SLC5A1: variants seen among roughly 807,000 people sequenced by gnomAD.
The protein encoded by SLC5A1 is solute carrier family 5 member 1, also known as sodium/glucose cotransporter 1.
A neutral mutation model predicts 73.5 loss-of-function variants in SLC5A1; 42 were observed. That is an observed-to-expected ratio of 0.57 (90% CI 0.45 to 0.74). The LOEUF is 0.74. Ranked by LOEUF, SLC5A1 falls within the 30% of genes least tolerant of loss-of-function variation. The pLI is 0.00. For synonymous variants in SLC5A1, 300 were observed against 317.4 expected, an observed-to-expected ratio of 0.95 and a Z score of 0.58; for missense variants, 634 against 855.4, an observed-to-expected ratio of 0.74 and a Z score of 3.23.
chr22:32,049,112 AATCAT>A (rs1427127160), intron 1 of SLC5A1, among the ~76,000 whole-genome samples: 6 of 143,364 alleles, frequency 4.2e-5, no homozygotes, highest in Non-Finnish European at 6.0e-5. Flanking sequence ...ATATATATAT[AATCAT>A]TATATATATA....
At position 32,086,238 on chromosome 22, in the gene SLC5A1, T is replaced by C; in HGVS notation, c.1040T>C (p.Val347Ala). 6 of 1,613,690 alleles carry C rather than the reference T, an allele frequency of 3.7e-6. No homozygotes were observed. The highest frequency in any genetic ancestry group is 5.1e-6 in the Non-Finnish European group (6 of 1,179,622). The change falls in exon 10 of 15, where the codon GTC becomes GCC. Residue 347 changes from valine (V) to alanine (A), a missense_variant. Val to Ala is a moderately conservative substitution (Grantham distance 64). This residue lies in a region of SLC5A1 where 422 missense variants were observed against 626.1 expected (regional missense o/e 0.67). Coordinates refer to ENST00000266088, the MANE Select transcript of SLC5A1 (RefSeq NM_000343.4). ...TTCCCAGAAAAAATTGCCTGTGTCG[T>C]CCCTTCAGAATGTGAGAAATATTGC... ...ILYTEKIACV[V>A]PSECEKYCGT...
intron 14 of SLC5A1, among the ~76,000 whole-genome samples, chr22:32,106,255 C>T (rs2094045485): frequency 1.3e-5 from 2 of 152,100 alleles, no homozygotes; most frequent in Non-Finnish European, 1.5e-5. Flanking sequence ...GGATATAAGC[C>T]GTTTTAACTG....
At position 32,090,730 on chromosome 22, in the gene SLC5A1, G is replaced by T. The variant is rs1223127892; in HGVS notation, c.1130-882G>T. On this transcript the variant is annotated intron_variant, in intron 10 of 14. Transcript: ENST00000266088. Reference sequence around the variant, plus strand: ...GAATTTCATTTCTCTTGGGTAGAGAGAAATGAAATTCCACCTAGGAATGGA... The same window carrying T: ...GAATTTCATTTCTCTTGGGTAGAGATAAATGAAATTCCACCTAGGAATGGA... Among the ~76,000 whole-genome samples, 8 of 141,468 alleles carry T rather than the reference G, an allele frequency of 5.7e-5. No individual in the cohort carries two copies. The East Asian group carries it at 1.7e-3, about 29-fold the overall frequency. 92.8% of individuals were successfully genotyped at this position (141,468 alleles called of 152,430 possible).
intron 2 of SLC5A1, among the ~76,000 whole-genome samples, chr22:32,051,728 A>G (rs2093945364): frequency 6.6e-6 from 1 of 152,146 alleles, no homozygotes; most frequent in African/African-American, 2.4e-5. Flanking sequence ...CCCAACAACA[A>G]CAAAACAACA....
At chr22:32,083,494 A>T (rs1056350479) in intron 7 of SLC5A1, among the ~76,000 whole-genome samples, 1 of 152,212 alleles carries the variant, frequency 6.6e-6, no homozygotes, top group African/African-American at 2.4e-5. Context: ...ATATCCATCA[A>T]GCTAAATCTA....
rs1341558941 is a variant in SLC5A1 at position 32,073,472 on chromosome 22, T to C, written c.477+4872T>C. On this transcript the variant is annotated intron_variant, in intron 5 of 14. Coordinates refer to ENST00000266088, the MANE Select transcript of SLC5A1 (RefSeq NM_000343.4). The stretch of plus-strand genomic sequence containing the variant: ...TCACACTGCTTCTGCCCTCGACCCA[T>C]GCCTTTGTGCTTTCTCCACTAATGT... Among the ~76,000 whole-genome samples, 9 of 152,344 alleles carry C rather than the reference T, an allele frequency of 5.9e-5. 1 individual carries two copies. The highest frequency in any genetic ancestry group is 1.9e-4 in the African/African-American group (8 of 41,594).
chr22:32,063,393 C>T (rs906628436), intron 2 of SLC5A1, among the ~76,000 whole-genome samples: 1 of 152,176 alleles, frequency 6.6e-6, no homozygotes, highest in African/African-American at 2.4e-5. Flanking sequence ...TGCACCAACC[C>T]TGCCATGAGA....
chr22:32,078,133 A>G (rs190038984), intron 5 of SLC5A1, among the ~76,000 whole-genome samples: 143 of 152,302 alleles, frequency 9.4e-4, no homozygotes, highest in Middle Eastern at 3.4e-3. Flanking sequence ...GGGCTGCAGA[A>G]CATAACTGTT....
chr22:32,091,462 T>G (rs1050290606), intron 10 of SLC5A1, 150 bp from the exon 11 acceptor site: 37 of 876,726 alleles, frequency 4.2e-5, no homozygotes, highest in Non-Finnish European at 6.7e-5. Flanking sequence ...ATAGGACTAC[T>G]TCTTAAAGCT....
Position 32,086,341 on chromosome 22 carries a change from T to C in SLC5A1, c.1129+14T>C. The C allele has an allele frequency of 1.3e-6, 2 of 1,557,556 alleles. No individual in the cohort carries two copies. Among genetic ancestry groups the C allele is most frequent in the Non-Finnish European group, 1.8e-6 (2 of 1,128,638 alleles). On this transcript the variant is annotated intron_variant, in intron 10 of 14. Coordinates refer to ENST00000266088, the MANE Select transcript of SLC5A1 (RefSeq NM_000343.4). ...TCATGCCCAATGGTGAGATTCTTTC[T>C]TGGGAGGTTGGTAGAGTCTTTCTTG...
chr22:32,051,364 T>C (rs1281023779), intron 2 of SLC5A1, among the ~76,000 whole-genome samples: 1 of 152,098 alleles, frequency 6.6e-6, no homozygotes, highest in African/African-American at 2.4e-5. Context: ...GGACTAAAAT[T>C]CTAAGTTTCA....
chr22:32,076,932 A>T (rs2093991841), intron 5 of SLC5A1, among the ~76,000 whole-genome samples: 1 of 152,212 alleles, frequency 6.6e-6, no homozygotes, highest in Non-Finnish European at 1.5e-5. Context: ...CCCTGGGCTA[A>T]ATCCAACACA....
At chr22:32,056,133 C>T (rs2093951462) in intron 2 of SLC5A1, among the ~76,000 whole-genome samples, 1 of 152,120 alleles carries the variant, frequency 6.6e-6, no homozygotes, top group South Asian at 2.1e-4. Context: ...ACGATCCTCC[C>T]ACCTTAGCTT....
At chr22:32,092,374 A>C (rs950585057) in intron 11 of SLC5A1, among the ~76,000 whole-genome samples, 5 of 152,194 alleles carry the variant, frequency 3.3e-5, no homozygotes, top group Admixed American at 2.0e-4. Context: ...GTCTGGTTCC[A>C]TATTTTTGCA....
chr22:32,084,657 CAG>C lies in SLC5A1; in HGVS notation c.884_885del (p.Gln295ArgfsTer57). On this transcript the variant is annotated frameshift_variant and splice_region_variant, in exon 8 of 15. Transcript: ENST00000266088. LOFTEE classifies it high-confidence loss of function. The part of the protein sequence containing the change: ...ILTLWYWCTD[Q>X]VIVQRCLSAK... ...TACCTTGTGGTACTGGTGCACAGAT[CAG>C]GTACCCAAGCTGGATGTGCGGGATG... 1.2e-6 allele frequency: 2 copies of C among 1,612,800 alleles called. No homozygotes were observed. The highest frequency in any genetic ancestry group is 1.7e-6 in the Non-Finnish European group (2 of 1,178,848).
intron 11 of SLC5A1, among the ~76,000 whole-genome samples, chr22:32,092,126 A>G (rs1359594507): frequency 1.3e-5 from 2 of 151,968 alleles, no homozygotes; most frequent in African/African-American, 4.8e-5. Context: ...AGTCCCCAAA[A>G]TCCACTGTAT....
chr22:32,081,648 G>A (rs1263567952), intron 5 of SLC5A1, among the ~76,000 whole-genome samples: 1 of 152,210 alleles, frequency 6.6e-6, no homozygotes, highest in Non-Finnish European at 1.5e-5. Flanking sequence ...ACTGTACATG[G>A]CATATATTAA....
At chr22:32,106,702 C>A (rs901003982) in intron 14 of SLC5A1, among the ~76,000 whole-genome samples, 1 of 152,216 alleles carries the variant, frequency 6.6e-6, no homozygotes, top group Non-Finnish European at 1.5e-5. Flanking sequence ...AGAGACTTAT[C>A]CTGTAAGTTA....
intron 2 of SLC5A1, among the ~76,000 whole-genome samples, chr22:32,056,620 G>A (rs185852823): frequency 3.9e-5 from 6 of 152,110 alleles, no homozygotes. Context: ...GATATCCCAA[G>A]GGAGGAGTCC....
Sources: gnomAD v4.1 joint callset for allele counts (sites outside exome capture counted in the v4.1 genomes callset) on GRCh38, gnomAD v4.1.1 for gene constraint, gnomAD v4.1.1 regional missense constraint, MANE v1.5 for transcripts, NCBI Gene and HGNC (gene_info 2026-07-23, HGNC 2026-07-21) for gene names.